ADAMTSL1: variants seen among roughly 807,000 people sequenced by gnomAD.
The protein encoded by ADAMTSL1 is ADAMTS like 1.
A neutral mutation model predicts 201.8 loss-of-function variants in ADAMTSL1; 126 were observed. That is an observed-to-expected ratio of 0.62 (90% confidence interval 0.54 to 0.72). The LOEUF is 0.72. Ranked by LOEUF, ADAMTSL1 falls within the 30% of genes least tolerant of loss-of-function variation. The pLI is 0.00. For synonymous variants in ADAMTSL1, 1,121 were observed against 903.4 expected, an observed-to-expected ratio of 1.24 and a Z score of -4.32; for missense variants, 2,679 against 2,277.8, an observed-to-expected ratio of 1.18 and a Z score of -3.59.
chr9:18,799,601 G>C (rs557365263), intron 20 of ADAMTSL1, among the ~76,000 whole-genome samples: 1 of 152,298 alleles, frequency 6.6e-6, no homozygotes, highest in East Asian at 1.9e-4. Context: ...TGTAAGGCCT[G>C]CCTGACATCA....
chr9:18,082,814 A>T (rs748247376), intron 1 of ADAMTSL1, among the ~76,000 whole-genome samples: 5 of 152,212 alleles, frequency 3.3e-5, no homozygotes, highest in Non-Finnish European at 5.9e-5. Flanking sequence ...AGTTTAAGGG[A>T]CTAAGAAAAA....
In ADAMTSL1 at chr9:18,873,330, T is replaced by C. The variant is rs368562238; in HGVS notation, c.4250-14501T>C. On this transcript the variant is annotated intron_variant, in intron 23 of 28. Transcript: ENST00000380548. The stretch of plus-strand genomic sequence containing the variant: ...AGGTTCCATCTATTTATTTTTGTTT[T>C]TATTGCGTTTGCTTTGGGTTCTTGG... 1.5e-3 allele frequency among the ~76,000 whole-genome samples: 232 copies of C among 152,340 alleles called. 5 individuals are homozygous for C. The South Asian group carries it at 0.048, about 31-fold the overall frequency.
intron 1 of ADAMTSL1, among the ~76,000 whole-genome samples, chr9:18,102,212 T>C (rs1414702737): frequency 6.6e-6 from 1 of 152,238 alleles, no homozygotes; most frequent in Non-Finnish European, 1.5e-5. Context: ...TTCAAATTTC[T>C]TTGAAGTATT....
At chr9:18,256,323 A>T (rs891828651) in intron 2 of ADAMTSL1, among the ~76,000 whole-genome samples, 2 of 152,184 alleles carry the variant, frequency 1.3e-5, no homozygotes, top group Non-Finnish European at 2.9e-5. Context: ...CTAGGCAGGC[A>T]ATAGGTTGGT....
intron 1 of ADAMTSL1, among the ~76,000 whole-genome samples, chr9:18,503,031 T>A (rs1231381444): frequency 6.6e-6 from 1 of 152,168 alleles, no homozygotes; most frequent in Non-Finnish European, 1.5e-5. Flanking sequence ...TTTGTGCCAG[T>A]GAAATGTACT....
intron 13 of ADAMTSL1, among the ~76,000 whole-genome samples, chr9:18,690,079 G>A (rs1831121302): frequency 6.6e-6 from 1 of 152,138 alleles, no homozygotes; most frequent in Non-Finnish European, 1.5e-5. Context: ...CTTAGCAATG[G>A]GGTTTATTCA....
At chr9:18,173,302 A>AT (rs1304235342) in intron 2 of ADAMTSL1, among the ~76,000 whole-genome samples, 2 of 152,102 alleles carry the variant, frequency 1.3e-5, no homozygotes, top group Non-Finnish European at 2.9e-5. Context: ...GATTTAATAT[A>AT]TTTTTGCCTC....
At chr9:18,274,550 T>G (rs1351848721) in intron 2 of ADAMTSL1, among the ~76,000 whole-genome samples, 3 of 152,152 alleles carry the variant, frequency 2.0e-5, no homozygotes, top group South Asian at 2.1e-4. Context: ...AAAAGAAAAT[T>G]TGTACTTAAT....
chr9:18,080,585 C>T (rs774754374), intron 1 of ADAMTSL1, among the ~76,000 whole-genome samples: 4 of 152,146 alleles, frequency 2.6e-5, no homozygotes, highest in Non-Finnish European at 4.4e-5. Context: ...AGTCACTTAG[C>T]CCTGAATACC....
chr9:18,225,362 C>G (rs985055627), intron 2 of ADAMTSL1, among the ~76,000 whole-genome samples: 5 of 152,110 alleles, frequency 3.3e-5, no homozygotes, highest in African/African-American at 1.2e-4. Flanking sequence ...GGAGATCCCA[C>G]TGGGTTATGA....
intron 19 of ADAMTSL1, among the ~76,000 whole-genome samples, chr9:18,779,141 C>A (rs1340623409): frequency 6.6e-6 from 1 of 152,118 alleles, no homozygotes; most frequent in Non-Finnish European, 1.5e-5. Context: ...CGTAGAAAAC[C>A]AAGGTTCAGC....
At chr9:18,397,769 A>G (rs905680753) in intron 2 of ADAMTSL1, among the ~76,000 whole-genome samples, 2 of 152,170 alleles carry the variant, frequency 1.3e-5, no homozygotes, top group Non-Finnish European at 2.9e-5. Flanking sequence ...TTCAAAAGTT[A>G]GTGTTTGTCT....
intron 1 of ADAMTSL1, among the ~76,000 whole-genome samples, chr9:18,095,233 C>T (rs910786940): frequency 6.6e-6 from 1 of 152,012 alleles, no homozygotes; most frequent in African/African-American, 2.4e-5. Flanking sequence ...TCAGAAAGGG[C>T]TCACAGCCAA....
chr9:18,452,802 G>A (rs887131436), intron 2 of ADAMTSL1, among the ~76,000 whole-genome samples: 1 of 152,214 alleles, frequency 6.6e-6, no homozygotes. Flanking sequence ...GGTAGAGGTT[G>A]GGCCGCCAAG....
At chr9:18,770,571 CT>C in intron 16 of ADAMTSL1, 30 bp from the exon 17 acceptor site, 11 of 1,584,704 alleles carry the variant, frequency 6.9e-6, no homozygotes, top group Non-Finnish European at 9.5e-6. Flanking sequence ...ATTGGGTCTA[CT>C]TTTTCTTCTT....
chr9:18,905,716 C>G (rs1830264023), intron 26 of ADAMTSL1, 66 bp from the exon 27 acceptor site: 1 of 1,303,162 alleles, frequency 7.7e-7, no homozygotes, highest in South Asian at 1.3e-5. Flanking sequence ...CCATGCAGCC[C>G]AAGCACGGCG....
rs145400428 is a variant in ADAMTSL1, at chr9:18,613,957, T to C, written c.475-8286T>C. On this transcript the variant is annotated intron_variant, in intron 4 of 28. Transcript: ENST00000380548. ...ATAGTCTGATCAAAGTAGATCTTATTGAGAAGGTATTAATTTTCTCAAACG... is the reference window on the plus strand; with the variant it reads ...ATAGTCTGATCAAAGTAGATCTTATCGAGAAGGTATTAATTTTCTCAAACG... 3.3e-5 allele frequency among the ~76,000 whole-genome samples: 5 copies of C among 152,268 alleles called. No homozygotes were observed. In the East Asian group the frequency reaches 9.7e-4, roughly 29 times the overall value.
intron 4 of ADAMTSL1, among the ~76,000 whole-genome samples, chr9:18,620,368 T>G (rs909507538): frequency 9.9e-5 from 15 of 152,196 alleles, no homozygotes; most frequent in Non-Finnish European, 1.9e-4. Flanking sequence ...GACCCATAGA[T>G]GCTGAAATTC....
intron 1 of ADAMTSL1, among the ~76,000 whole-genome samples, chr9:18,101,302 CCTGA>C (rs1030925453): frequency 3.9e-5 from 6 of 151,990 alleles, no homozygotes; most frequent in African/African-American, 1.5e-4. Flanking sequence ...TCGAGACCAG[CCTGA>C]CCAACAGGGT....
Sources: gnomAD v4.1 joint callset for allele counts (sites outside exome capture counted in the v4.1 genomes callset) on GRCh38, gnomAD v4.1.1 for gene constraint, MANE v1.5 for transcripts, NCBI Gene and HGNC (gene_info 2026-07-23, HGNC 2026-07-21) for gene names.